MBNL1: variants seen among roughly 807,000 people sequenced by gnomAD.
MBNL1 encodes muscleblind like splicing regulator 1.
MBNL1 carries 8 observed loss-of-function variants against 42.2 expected under a neutral mutation model. The ratio of observed to expected loss-of-function variants is 0.19; its 90% confidence interval spans 0.11 to 0.34. The LOEUF (loss-of-function observed/expected upper bound fraction) is 0.34. Ranked by LOEUF, MBNL1 falls within the 10% of genes least tolerant of loss-of-function variation. The pLI is 1.00. For synonymous variants in MBNL1, 169 were observed against 173.9 expected, an observed-to-expected ratio of 0.97 and a Z score of 0.22; for missense variants, 309 against 495.3, an observed-to-expected ratio of 0.62 and a Z score of 3.57.
chr3:152,356,422 G>C (rs1476207351), intron 2 of MBNL1, among the ~76,000 whole-genome samples: 1 of 152,108 alleles, frequency 6.6e-6, no homozygotes, highest in East Asian at 1.9e-4. Flanking sequence ...TGTTACAGAG[G>C]TGAGGAAGCT....
upstream of MBNL1, chr3:152,263,566 C>A (rs2036675227): frequency 6.6e-6 from 1 of 152,206 alleles, no homozygotes; most frequent in African/African-American, 2.4e-5. Context: ...GGGTCCCCAG[C>A]CATTTGCTGT....
At position 152,379,690 on chromosome 3, in the gene MBNL1, A is replaced by G. The variant is rs573209866; in HGVS notation, c.175-35251A>G. 2.4e-4 allele frequency among the ~76,000 whole-genome samples: 36 copies of G among 152,284 alleles called. No individual in the cohort carries two copies. The South Asian group carries it at 7.0e-3, about 30-fold the overall frequency. ...ACATCTACATTTAATAATTGCTGCA[A>G]ATATTGTTGTAGAATCATGAGGTTG... On this transcript the variant is annotated intron_variant, in intron 2 of 9. Coordinates refer to ENST00000324210, the MANE Select transcript of MBNL1 (RefSeq NM_021038.5).
rs2099210023 is a variant in MBNL1, at chr3:152,445,546, A to G, written c.807+7A>G. 7 of 1,608,436 alleles carry G rather than the reference A, an allele frequency of 4.4e-6. No homozygotes were observed. Among genetic ancestry groups the G allele is most frequent in the Admixed American group, 3.4e-5 (2 of 58,972 alleles). The stretch of plus-strand genomic sequence containing the variant: ...AGCCACCGCAGCTGCCATGGTGAGT[A>G]GAGATATCAGCTCTCTCCTTGTTAG... On this transcript the variant is annotated splice_region_variant and intron_variant, in intron 5 of 9. Transcript: ENST00000324210.
intron 2 of MBNL1, among the ~76,000 whole-genome samples, chr3:152,397,573 T>C (rs913138185): frequency 6.6e-6 from 1 of 152,228 alleles, no homozygotes; most frequent in African/African-American, 2.4e-5. Flanking sequence ...TTCCATGGTG[T>C]ATATGTGCCA....
At chr3:152,254,424 C>T (rs1176152103) in intron 2 of MBNL1, among the ~76,000 whole-genome samples, 2 of 152,108 alleles carry the variant, frequency 1.3e-5, no homozygotes, top group Admixed American at 6.6e-5. Context: ...GAAAAGCATG[C>T]ACCCACTCTT....
intron 2 of MBNL1, among the ~76,000 whole-genome samples, chr3:152,261,910 G>A (rs1395446975): frequency 6.6e-6 from 1 of 152,138 alleles, no homozygotes; most frequent in Non-Finnish European, 1.5e-5. Flanking sequence ...GGGAGTCCGT[G>A]AGGAGCAAGG....
chr3:152,397,817 C>T (rs992681832), intron 2 of MBNL1, among the ~76,000 whole-genome samples: 1 of 152,144 alleles, frequency 6.6e-6, no homozygotes, highest in Non-Finnish European at 1.5e-5. Context: ...CCACCATAAA[C>T]CAGTAAACTA....
chr3:152,348,157 A>T (rs974433398), intron 2 of MBNL1, among the ~76,000 whole-genome samples: 1 of 152,266 alleles, frequency 6.6e-6, no homozygotes, highest in Middle Eastern at 3.4e-3. Context: ...GAGAAAAGGA[A>T]TGTAATGGGA....
At chr3:152,342,606 C>G (rs1012197784) in intron 2 of MBNL1, among the ~76,000 whole-genome samples, 1 of 148,252 alleles carries the variant, frequency 6.7e-6, no homozygotes, top group African/African-American at 2.6e-5. Flanking sequence ...AACAACAGGA[C>G]CTACAAAGCA....
chr3:152,314,551 T>A lies in MBNL1; in HGVS notation c.174+14184T>A, dbSNP rs181038908. On this transcript the variant is annotated intron_variant, in intron 2 of 9. Coordinates refer to ENST00000324210, the MANE Select transcript of MBNL1 (RefSeq NM_021038.5). ...CTACCACGCCCGGCTAATTTTGTAT[T>A]TTTAGTAGAGACAGAGTTTCTCCTT... Among the ~76,000 whole-genome samples the A allele has an allele frequency of 9.4e-3, 1,437 of 152,202 alleles. 10 individuals carry two copies. Among genetic ancestry groups the A allele is most frequent in the Non-Finnish European group, 0.017 (1,126 of 68,002 alleles).
intron 3 of MBNL1, among the ~76,000 whole-genome samples, chr3:152,425,831 C>T (rs1366493100): frequency 1.3e-5 from 2 of 152,112 alleles, no homozygotes; most frequent in African/African-American, 4.8e-5. Context: ...ACATTTGACC[C>T]AGCAGTCCCA....
At chr3:152,454,136 G>A (rs1196293714) in intron 6 of MBNL1, among the ~76,000 whole-genome samples, 1 of 152,108 alleles carries the variant, frequency 6.6e-6, no homozygotes, top group Admixed American at 6.5e-5. Context: ...AGTAGCAAAT[G>A]ACAGAGATCT....
intron 1 of MBNL1, among the ~76,000 whole-genome samples, chr3:152,283,332 A>G (rs773407130): frequency 1.3e-5 from 2 of 152,216 alleles, no homozygotes; most frequent in African/African-American, 2.4e-5. Context: ...CGTGTGATAT[A>G]TACCCCATCA....
chr3:152,396,986 G>C (rs191773697), intron 2 of MBNL1, among the ~76,000 whole-genome samples: 39 of 152,144 alleles, frequency 2.6e-4, no homozygotes, highest in Non-Finnish European at 4.3e-4. Flanking sequence ...AACAACAAAA[G>C]GAAAAAAGGA....
At chr3:152,446,127 G>A (rs1184054918) in intron 5 of MBNL1, among the ~76,000 whole-genome samples, 1 of 151,938 alleles carries the variant, frequency 6.6e-6, no homozygotes, top group Non-Finnish European at 1.5e-5. Context: ...AGAGACAGCA[G>A]TACTCAAGGA....
chr3:152,415,307 A>C (rs1378219605), intron 3 of MBNL1, among the ~76,000 whole-genome samples, 196 bp downstream of exon 3: 2 of 152,218 alleles, frequency 1.3e-5, no homozygotes, highest in Non-Finnish European at 2.9e-5. Flanking sequence ...TTCTGGCTAA[A>C]TCATGTGGAC....
upstream of MBNL1, chr3:152,268,489 C>G: frequency 3.2e-6 from 1 of 316,200 alleles, no homozygotes; most frequent in Admixed American, 4.7e-5. Context: ...CCTTGCAAAG[C>G]CCGGTGCAAG....
intron 9 of MBNL1, among the ~76,000 whole-genome samples, chr3:152,461,308 A>G (rs1391098320): frequency 1.3e-5 from 2 of 152,200 alleles, no homozygotes; most frequent in African/African-American, 4.8e-5. Flanking sequence ...CTATTTCATA[A>G]GTTTTCTCAA....
At chr3:152,261,262 TCA>T (rs1196328982) in intron 2 of MBNL1, among the ~76,000 whole-genome samples, 1 of 152,194 alleles carries the variant, frequency 6.6e-6, no homozygotes, top group African/African-American at 2.4e-5. Flanking sequence ...CGCCCTAGTT[TCA>T]GTCTCCTCAT....
Sources: allele counts gnomAD v4.1 joint callset (sites outside exome capture counted in the v4.1 genomes callset), GRCh38; gene constraint gnomAD v4.1.1; transcripts MANE v1.5; gene names NCBI Gene and HGNC (gene_info 2026-07-23, HGNC 2026-07-21).